The following COL26A1 variants were observed in gnomAD, a reference collection of about 807,000 sequenced individuals.
COL26A1 encodes the protein collagen type XXVI alpha 1 chain.
Under a neutral mutation model 59.3 loss-of-function variants are expected in COL26A1, and 41 were observed. The observed-to-expected ratio is 0.69, with a 90% CI of 0.54 to 0.90. The LOEUF (loss-of-function observed/expected upper bound fraction) is 0.90, where lower values mean the gene tolerates loss of function less well. Ranked by LOEUF, COL26A1 falls within the 40% of genes least tolerant of loss-of-function variation. The probability of loss-of-function intolerance (pLI) is 0.00; values close to 1 mark genes in which losing one functional copy is unlikely to be tolerated. For missense variants in COL26A1, 612 were observed against 602.3 expected, an observed-to-expected ratio of 1.02 and a Z score of -0.17; for synonymous variants, 266 against 256.0, an observed-to-expected ratio of 1.04 and a Z score of -0.37.
intron 5 of COL26A1, among the ~76,000 whole-genome samples, chr7:101,541,862 C>T (rs1795624484): frequency 6.6e-6 from 1 of 152,162 alleles, no homozygotes; most frequent in South Asian, 2.1e-4. Context: ...GTCTATAAGG[C>T]TGAATCCAGG....
At chr7:101,459,865 G>A (rs1488731950) in intron 3 of COL26A1, among the ~76,000 whole-genome samples, 4 of 152,156 alleles carry the variant, frequency 2.6e-5, no homozygotes, top group African/African-American at 9.7e-5. Flanking sequence ...CCATCCAAGC[G>A]TGGAGCTGAT....
At chr7:101,513,213 G>A (rs972134697) in intron 3 of COL26A1, among the ~76,000 whole-genome samples, 7 of 151,974 alleles carry the variant, frequency 4.6e-5, no homozygotes, top group African/African-American at 1.7e-4. Flanking sequence ...TCACCATGTT[G>A]GCCAGGCTGG....
chr7:101,423,539 C>G (rs1477534409), intron 2 of COL26A1, among the ~76,000 whole-genome samples: 3 of 152,122 alleles, frequency 2.0e-5, no homozygotes, highest in Admixed American at 1.3e-4. Flanking sequence ...TTGAGACCAG[C>G]CTGGCCAATA....
intron 5 of COL26A1, among the ~76,000 whole-genome samples, chr7:101,543,066 G>A (rs1034823879): frequency 1.3e-5 from 2 of 152,298 alleles, no homozygotes; most frequent in African/African-American, 2.4e-5. Flanking sequence ...GGGCTCTTCC[G>A]AGGCCAGCAG....
At chr7:101,447,125 A>G (rs1174778064) in intron 2 of COL26A1, among the ~76,000 whole-genome samples, 1 of 152,150 alleles carries the variant, frequency 6.6e-6, no homozygotes, top group Non-Finnish European at 1.5e-5. Flanking sequence ...TCTGGGTGGT[A>G]TCAGCTGATC....
intron 5 of COL26A1, among the ~76,000 whole-genome samples, chr7:101,542,969 A>C (rs1478729982): frequency 6.6e-6 from 1 of 152,132 alleles, no homozygotes; most frequent in Non-Finnish European, 1.5e-5. Flanking sequence ...CCAGGGGAAA[A>C]TGCAGTTTCA....
chr7:101,507,485 G>A (rs540680523), intron 3 of COL26A1, among the ~76,000 whole-genome samples: 1 of 151,042 alleles, frequency 6.6e-6, no homozygotes, highest in South Asian at 2.1e-4. Context: ...GCAGTGGTGT[G>A]ATCACAGTTC....
intron 10 of COL26A1, 69 bp downstream of exon 10, chr7:101,551,212 C>A: frequency 5.9e-6 from 2 of 340,390 alleles, no homozygotes; most frequent in South Asian, 3.3e-5. Context: ...GCCCAGGGCA[C>A]TGGGTGGCGG....
At chr7:101,389,843 G>A (rs993874391) in intron 1 of COL26A1, among the ~76,000 whole-genome samples, 15 of 151,946 alleles carry the variant, frequency 9.9e-5, no homozygotes, top group African/African-American at 3.6e-4. Flanking sequence ...GTGAGCCACC[G>A]CGTCTGGCAA....
In COL26A1 at chr7:101,372,084, G is replaced by A. The variant is rs143642354; in HGVS notation, c.158+8894G>A. Among the ~76,000 whole-genome samples, 40 of 152,288 alleles carry A rather than the reference G, an allele frequency of 2.6e-4. No homozygotes were observed. The East Asian group carries it at 6.0e-3, about 23-fold the overall frequency. On this transcript the variant is annotated intron_variant, in intron 1 of 12. Coordinates refer to ENST00000313669, the MANE Select transcript of COL26A1 (RefSeq NM_001278563.3). ...AAACCCTCTGTTCATGAATGTGACC[G>A]TGGACTGCATTCATATGCCTTGCAA... is the stretch of plus-strand genomic sequence containing the variant.
chr7:101,486,943 A>C (rs2130508759), intron 3 of COL26A1, among the ~76,000 whole-genome samples: 1 of 152,350 alleles, frequency 6.6e-6, no homozygotes, highest in East Asian at 1.9e-4. Flanking sequence ...GTCATCAGAC[A>C]GGCACCGGGA....
intron 3 of COL26A1, among the ~76,000 whole-genome samples, chr7:101,501,185 C>CAA (rs58672929): frequency 4.4e-4 from 32 of 73,446 alleles, no homozygotes; most frequent in Non-Finnish European, 5.6e-4. Flanking sequence ...GACTCCGTCT[C>CAA]AAAAAAAAAA....
intron 1 of COL26A1, among the ~76,000 whole-genome samples, chr7:101,366,518 A>T (rs4729696): frequency 0.085 from 1,543 of 18,252 alleles, 248 homozygotes; most frequent in Middle Eastern, 0.2. Context: ...TTTTTTTTTT[A>T]AAGACAGGGT....
At chr7:101,391,155 G>A (rs1438374561) in intron 1 of COL26A1, among the ~76,000 whole-genome samples, 3 of 152,180 alleles carry the variant, frequency 2.0e-5, no homozygotes, top group Non-Finnish European at 4.4e-5. Context: ...AGAAAAACAT[G>A]GCCTGTTTGC....
chr7:101,462,705 C>A (rs1247446433), intron 3 of COL26A1, among the ~76,000 whole-genome samples: 1 of 152,054 alleles, frequency 6.6e-6, no homozygotes, highest in Admixed American at 6.6e-5. Flanking sequence ...TTACTGGGAC[C>A]CCCATGCTTC....
At chr7:101,550,182 CA>C (rs1481175420) in intron 9 of COL26A1, among the ~76,000 whole-genome samples, 1 of 152,168 alleles carries the variant, frequency 6.6e-6, no homozygotes, top group African/African-American at 2.4e-5. Flanking sequence ...TCTGAGGGGC[CA>C]GGTGAGATGG....
intron 3 of COL26A1, among the ~76,000 whole-genome samples, chr7:101,463,660 A>G (rs1235196674): frequency 9.1e-5 from 5 of 55,006 alleles, no homozygotes; most frequent in Non-Finnish European, 1.2e-4. Flanking sequence ...CCATCCTTCC[A>G]TCCTTCCTTC....
intron 1 of COL26A1, among the ~76,000 whole-genome samples, chr7:101,386,269 T>TG (rs746311969): frequency 0.061 from 8,262 of 134,370 alleles, 531 homozygotes; most frequent in African/African-American, 0.15. Context: ...TTTTTTTTTT[T>TG]TTTTTTTTTT....
intron 3 of COL26A1, among the ~76,000 whole-genome samples, chr7:101,501,217 G>A (rs79654237): frequency 0.022 from 2,515 of 112,342 alleles, 81 homozygotes; most frequent in African/African-American, 0.076. Context: ...GAAAAGAAAA[G>A]AAAAAAAAAA....
Sources: gnomAD v4.1 joint callset for allele counts (sites outside exome capture counted in the v4.1 genomes callset) on GRCh38, gnomAD v4.1.1 for gene constraint, MANE v1.5 for transcripts, NCBI Gene and HGNC (gene_info 2026-07-23, HGNC 2026-07-21) for gene names.